ESPN: variants seen among roughly 807,000 people sequenced by gnomAD.
ESPN encodes the protein autosomal recessive deafness type 36 protein.
In ESPN, 68 loss-of-function variants were observed where a neutral mutation model predicts 77.7. The ratio of observed to expected loss-of-function variants is 0.87; its 90% CI spans 0.72 to 1.07. The LOEUF (loss-of-function observed/expected upper bound fraction) is 1.07. ESPN is among the 50% of genes least tolerant of loss of function. The pLI, the probability that ESPN is intolerant of heterozygous loss-of-function variation, is 0.00. For synonymous variants in ESPN, 449 were observed against 567.1 expected, an observed-to-expected ratio of 0.79 and a Z score of 2.96; for missense variants, 1,060 against 1,239.0, an observed-to-expected ratio of 0.86 and a Z score of 2.17.
intron 1 of ESPN, among the ~76,000 whole-genome samples, chr1:6,426,258 A>T (rs1206788884): frequency 6.6e-6 from 1 of 152,102 alleles, no homozygotes; most frequent in East Asian, 1.9e-4. Flanking sequence ...TTCCTGGGAG[A>T]TGGCCCACCT....
At chr1:6,429,402 CT>C (rs1312311638) in intron 2 of ESPN, among the ~76,000 whole-genome samples, 1 of 152,072 alleles carries the variant, frequency 6.6e-6, no homozygotes, top group African/African-American at 2.4e-5. Flanking sequence ...CCCAGGGACC[CT>C]TGAGTAGAGG....
intron 12 of ESPN, 32 bp downstream of exon 12, chr1:6,457,404 C>T (rs1329710301): frequency 1.2e-6 from 2 of 1,614,216 alleles, no homozygotes; most frequent in Non-Finnish European, 8.5e-7. Flanking sequence ...ACCTGCCACC[C>T]TTATCCCCAC....
chr1:6,432,573 C>T (rs953858137), intron 2 of ESPN, among the ~76,000 whole-genome samples: 1 of 152,184 alleles, frequency 6.6e-6, no homozygotes, highest in African/African-American at 2.4e-5. Flanking sequence ...GTGCCCCTGC[C>T]CTACCCTTCT....
intron 5 of ESPN, among the ~76,000 whole-genome samples, chr1:6,442,867 C>CAAAA (rs35404098): frequency 3.9e-5 from 2 of 51,208 alleles, no homozygotes; most frequent in African/African-American, 7.5e-5. Context: ...GACGCTGTCT[C>CAAAA]AAAAAAAAAA....
At chr1:6,430,320 G>A (rs1379610259) in intron 2 of ESPN, among the ~76,000 whole-genome samples, 4 of 152,238 alleles carry the variant, frequency 2.6e-5, no homozygotes, top group African/African-American at 7.2e-5. Flanking sequence ...TGGGAAACTC[G>A]ATCCTGCCAG....
chr1:6,430,394 A>G (rs1643198576), intron 2 of ESPN, among the ~76,000 whole-genome samples: 1 of 152,206 alleles, frequency 6.6e-6, no homozygotes, highest in African/African-American at 2.4e-5. Context: ...AAGGCTGGAC[A>G]GCCTCGGGGA....
intron 1 of ESPN, among the ~76,000 whole-genome samples, chr1:6,425,882 A>G (rs918230633): frequency 4.6e-5 from 7 of 152,268 alleles, no homozygotes; most frequent in African/African-American, 1.7e-4. Flanking sequence ...AGAAGCAGGT[A>G]GCCAGGCAGC....
In ESPN at chr1:6,452,444, G is replaced by A. The variant is rs553261723; in HGVS notation, c.2325+348G>A. Among the ~76,000 whole-genome samples the A allele has an allele frequency of 1.8e-4, 28 of 152,152 alleles. No individual in the cohort carries two copies. The East Asian group carries it at 4.4e-3, about 24-fold the overall frequency. On this transcript the variant is annotated intron_variant, in intron 10 of 12. Coordinates refer to ENST00000645284, the MANE Select transcript of ESPN (RefSeq NM_031475.3). ...GCTGGGATTACAGGCATGAACCACCGTGCCCGGCCATTTTCTTTAGGGAAA... is the reference window on the plus strand; with the variant it reads ...GCTGGGATTACAGGCATGAACCACCATGCCCGGCCATTTTCTTTAGGGAAA...
intron 7 of ESPN, 125 bp from the exon 8 acceptor site, chr1:6,448,516 C>A: frequency 1.3e-6 from 1 of 774,760 alleles, no homozygotes; most frequent in Non-Finnish European, 2.0e-6. Context: ...TCTAGGAAGT[C>A]AGCTGCTGCA....
At chr1:6,445,173 C>A (rs191897134) in intron 6 of ESPN, among the ~76,000 whole-genome samples, 46 of 152,332 alleles carry the variant, frequency 3.0e-4, no homozygotes, top group African/African-American at 1.1e-3. Flanking sequence ...AGCATGTGCA[C>A]AAATGCGTAC....
intron 2 of ESPN, among the ~76,000 whole-genome samples, chr1:6,435,128 A>G (rs1390741513): frequency 6.6e-6 from 1 of 152,066 alleles, no homozygotes; most frequent in Non-Finnish European, 1.5e-5. Context: ...CTACTCGGGA[A>G]TCTTTTAACA....
chr1:6,433,201 T>A (rs12079984), intron 2 of ESPN, among the ~76,000 whole-genome samples: 1 of 151,872 alleles, frequency 6.6e-6, no homozygotes, highest in Non-Finnish European at 1.5e-5. Context: ...TCCCAGCACT[T>A]TGGGAAGCTG....
intron 8 of ESPN, among the ~76,000 whole-genome samples, chr1:6,449,880 G>C (rs1370356689): frequency 6.6e-6 from 1 of 152,144 alleles, no homozygotes; most frequent in Non-Finnish European, 1.5e-5. Context: ...TGGCTGGGGT[G>C]TCTTCCTCAC....
chr1:6,425,371 G>A, intron 1 of ESPN, 122 bp downstream of exon 1: 1 of 1,246,150 alleles, frequency 8.0e-7, no homozygotes, highest in Non-Finnish European at 1.1e-6. Flanking sequence ...GCTGAACCCT[G>A]CACGGAGCTC....
intron 7 of ESPN, 51 bp downstream of exon 7, chr1:6,445,986 T>G (rs1168645124): frequency 4.2e-5 from 67 of 1,588,782 alleles, no homozygotes; most frequent in Non-Finnish European, 5.6e-5. Context: ...ACTGGGCTGA[T>G]GGGGGCCAGT....
At chr1:6,435,663 T>A (rs1477836865) in intron 2 of ESPN, among the ~76,000 whole-genome samples, 1 of 150,692 alleles carries the variant, frequency 6.6e-6, no homozygotes, top group African/African-American at 2.4e-5. Context: ...GAGTCAGAGG[T>A]CTCCCCAAAG....
chr1:6,458,010 A>G (rs1199069320), intron 12 of ESPN, among the ~76,000 whole-genome samples: 1 of 127,146 alleles, frequency 7.9e-6, no homozygotes, highest in East Asian at 2.0e-4. Context: ...CATTCTGCGA[A>G]AAAAAAAAAA....
At position 6,451,449 on chromosome 1, in the gene ESPN, C is replaced by T; in HGVS notation, c.1916-154C>T. 1.8e-6 allele frequency: 2 copies of T among 1,083,740 alleles called. No individual in the cohort carries two copies. Among genetic ancestry groups the T allele is most frequent in the East Asian group, 5.2e-5 (2 of 38,566 alleles). The allele number at this position is 1,083,740 out of a possible 1,614,324, so 67.1% of individuals were successfully genotyped here. On this transcript the variant is annotated intron_variant, in intron 8 of 12. Coordinates refer to ENST00000645284, the MANE Select transcript of ESPN (RefSeq NM_031475.3). The surrounding 1 kb of genome is among the most constrained non-coding windows in gnomAD (Gnocchi z 4.3). ...CGCCTCTGGGGGCCCTGAAACCTGCCTGCAGGACCTGGGATCTGGAGAGCT... is the reference window on the plus strand; with the variant it reads ...CGCCTCTGGGGGCCCTGAAACCTGCTTGCAGGACCTGGGATCTGGAGAGCT...
At chr1:6,455,999 T>C (rs1053907411) in intron 10 of ESPN, 16 of 398,582 alleles carry the variant, frequency 4.0e-5, no homozygotes, top group African/African-American at 3.3e-4. Context: ...CCCTGGCCCC[T>C]GCGCCGCAGC....
Sources: allele counts gnomAD v4.1 joint callset (sites outside exome capture counted in the v4.1 genomes callset), GRCh38; gene constraint gnomAD v4.1.1; non-coding constraint Gnocchi (gnomAD v3.1); transcripts MANE v1.5; gene names NCBI Gene and HGNC (gene_info 2026-07-23, HGNC 2026-07-21).